ZNF667: variants seen among roughly 807,000 people sequenced by gnomAD.
ZNF667 encodes the protein zinc finger protein 667.
In ZNF667, 13 loss-of-function variants were observed where a neutral mutation model predicts 31.8. The observed-to-expected ratio is 0.41, with a 90% CI of 0.27 to 0.65. The LOEUF is 0.65. Among genes scored for constraint, ZNF667 ranks in the 30% least tolerant of loss-of-function variants. The pLI, the probability that ZNF667 is intolerant of heterozygous loss-of-function variation, is 0.32. For synonymous variants in ZNF667, 228 were observed against 247.1 expected (o/e 0.92, Z 0.73); for missense variants, 642 against 725.6 (o/e 0.88, Z 1.32).
At chr19:56,460,550 T>A in intron 5 of ZNF667, 139 bp downstream of exon 5, 1 of 906,500 alleles carries the variant, frequency 1.1e-6, no homozygotes. Flanking sequence ...ATGGGTGAAT[T>A]GTATAGTATG....
rs766005736 is a variant in ZNF667, at chr19:56,441,900, C to T, written c.1095G>A (p.Lys365=). 1 of 1,614,156 alleles carries T rather than the reference C, an allele frequency of 6.2e-7. No individual in the cohort carries two copies. Among genetic ancestry groups the T allele is most frequent in the South Asian group, 1.1e-5 (1 of 91,082 alleles). ...TAAGGGTTGAAAGCCGCCTGAAGAACTTGTCACATTTATCACATTTGTACG... is the reference window on the plus strand; with the variant it reads ...TAAGGGTTGAAAGCCGCCTGAAGAATTTGTCACATTTATCACATTTGTACG... The part of the protein sequence containing the change: ...EKPYKCDKCD[K]FFRRLSTLIL... The change falls in exon 7 of 7, where the codon AAG becomes AAA. Residue 365 remains lysine, a synonymous_variant. Coordinates refer to ENST00000504904, the MANE Select transcript of ZNF667 (RefSeq NM_001321356.2). The surrounding 1 kb of genome is among the most constrained non-coding windows in gnomAD (Gnocchi z 4.2).
At chr19:56,467,606 C>T (rs2147816062) in intron 3 of ZNF667, 1 of 152,348 alleles carries the variant, frequency 6.6e-6, no homozygotes, top group South Asian at 2.1e-4. Flanking sequence ...CTTCAGATAC[C>T]AGTTGCAAGT....
chr19:56,449,564 C>A, intron 6 of ZNF667: 1 of 247,780 alleles, frequency 4.0e-6, no homozygotes, highest in Non-Finnish European at 8.2e-6. Context: ...CACCTGTAAT[C>A]CCAGCCGCTC....
At chr19:56,465,814 C>A (rs2043146996) in intron 3 of ZNF667, among the ~76,000 whole-genome samples, 2 of 152,194 alleles carry the variant, frequency 1.3e-5, no homozygotes, top group Non-Finnish European at 2.9e-5. Context: ...GCAGGGTCAG[C>A]CCCAGGCTGG....
rs150636210 is a variant in ZNF667 at position 56,450,658 on chromosome 19, C to T, written c.253+7497G>A. ...AGACGGACTGACAAAAAAACGGCAA[C>T]TACAACAACTCAAGACACACAGTAT... On this transcript the variant is annotated intron_variant, in intron 6 of 6. Transcript: ENST00000504904. Among the ~76,000 whole-genome samples the T allele has an allele frequency of 1.9e-3, 291 of 152,212 alleles. 1 individual carries two copies. The highest frequency in any genetic ancestry group is 5.0e-3 in the African/African-American group (206 of 41,536).
At chr19:56,458,371 C>A in intron 5 of ZNF667, 124 bp from the exon 6 acceptor site, 1 of 750,888 alleles carries the variant, frequency 1.3e-6, no homozygotes, top group Non-Finnish European at 2.3e-6. Context: ...ATGTGAAGGG[C>A]AGCTGGAGAA....
At position 56,442,209 on chromosome 19, in the gene ZNF667, G is replaced by A; in HGVS notation, c.786C>T (p.Phe262=). The part of the protein sequence containing the change: ...VCQCRKCGKA[F]NQMSSLLLHK... ...GAAGTAAAAGGGATGACATCTGATT[G>A]AAGGCTTTTCCGCACTTTCTGCACT... Residue 262 remains phenylalanine (F), a synonymous_variant, in exon 7 of 7, where the codon TTC becomes TTT. Coordinates refer to ENST00000504904, the MANE Select transcript of ZNF667 (RefSeq NM_001321356.2). 1 of 1,614,042 alleles carries A rather than the reference G, an allele frequency of 6.2e-7. No homozygotes were observed. Among genetic ancestry groups the A allele is most frequent in the Non-Finnish European group, 8.5e-7 (1 of 1,179,988 alleles).
upstream of ZNF667, chr19:56,477,725 CA>C (rs2147871928): frequency 6.5e-6 from 1 of 152,748 alleles, no homozygotes; most frequent in East Asian, 1.9e-4. Flanking sequence ...CCCGCTCCCA[CA>C]ACCACACGTT....
Position 56,458,258 on chromosome 19 carries a change from G to A in ZNF667, c.161-11C>T, listed in dbSNP as rs1568446747. 6.2e-7 allele frequency: 1 copy of A among 1,612,158 alleles called. No homozygotes were observed. The highest frequency in any genetic ancestry group is 1.1e-5 in the South Asian group (1 of 91,022). ...TCCGAAAGGAAAGACCTGTACGTGGGACAAACATGGGAAATGATCATAAAT... is the reference window on the plus strand; with the variant it reads ...TCCGAAAGGAAAGACCTGTACGTGGAACAAACATGGGAAATGATCATAAAT... On this transcript the variant is annotated splice_polypyrimidine_tract_variant and intron_variant, in intron 5 of 6. Transcript: ENST00000504904.
intron 3 of ZNF667, among the ~76,000 whole-genome samples, chr19:56,464,742 G>A (rs1041320810): frequency 5.3e-5 from 8 of 152,146 alleles, no homozygotes; most frequent in Admixed American, 1.3e-4. Context: ...CACACACAAT[G>A]ATCTAGGCTG....
At chr19:56,451,804 GGCT>G (rs894340187) in intron 6 of ZNF667, among the ~76,000 whole-genome samples, 3 of 148,298 alleles carry the variant, frequency 2.0e-5, no homozygotes, top group Non-Finnish European at 4.4e-5. Flanking sequence ...AGAAGGTTGA[GGCT>G]GCAGTGAGTT....
At position 56,440,681 on chromosome 19, in the gene ZNF667, G is replaced by T. The variant is rs961871023; in HGVS notation, c.*481C>A. On this transcript the variant is annotated 3_prime_UTR_variant, in exon 7 of 7. Coordinates refer to ENST00000504904, the MANE Select transcript of ZNF667 (RefSeq NM_001321356.2). ...ACACAGAGTCTTGCTCTGTTGCCCAGACTGGAGTGCAGTGGTGCAATCTCT... is the reference window on the plus strand; with the variant it reads ...ACACAGAGTCTTGCTCTGTTGCCCATACTGGAGTGCAGTGGTGCAATCTCT... The T allele has an allele frequency of 4.2e-5, 34 of 801,944 alleles. No individual in the cohort carries two copies. The highest frequency in any genetic ancestry group is 7.6e-5 in the African/African-American group (4 of 52,692). The allele number at this position is 801,944 out of a possible 1,614,324, so 49.7% of individuals were successfully genotyped here.
chr19:56,457,503 T>C (rs1396065528), intron 6 of ZNF667, among the ~76,000 whole-genome samples: 1 of 152,192 alleles, frequency 6.6e-6, no homozygotes, highest in African/African-American at 2.4e-5. Flanking sequence ...TGTTTGCTTA[T>C]CTATAAAGTA....
chr19:56,441,222 T>C lies in ZNF667; in HGVS notation c.1773A>G (p.Ala591=). 2.5e-6 allele frequency: 4 copies of C among 1,614,120 alleles called. No individual in the cohort carries two copies. Among genetic ancestry groups the C allele is most frequent in the East Asian group, 4.5e-5 (2 of 44,888 alleles). ...GAATCAGGGATGAACTCCGACTATA[T>C]GCCTTCCCACATTTACTACATTCAT... is the stretch of plus-strand genomic sequence containing the variant. ...KPYECSKCGK[A]YSRSSSLIRH... Residue 591 remains alanine (A), a synonymous_variant, in exon 7 of 7, where the codon GCA becomes GCG. Transcript: ENST00000504904. This position sits in a 1 kb window ranked among gnomAD's most constrained non-coding sequence, Gnocchi z 4.2.
chr19:56,467,759 T>C (rs2043193539), intron 3 of ZNF667: 1 of 152,222 alleles, frequency 6.6e-6, no homozygotes, highest in East Asian at 1.9e-4. Context: ...ATGAAGGCTA[T>C]TCCGAAGAAT....
intron 3 of ZNF667, among the ~76,000 whole-genome samples, chr19:56,462,775 T>G (rs1319450863): frequency 6.6e-6 from 1 of 151,960 alleles, no homozygotes; most frequent in Non-Finnish European, 1.5e-5. Context: ...AGTGGAAGAG[T>G]GCCGGCTCCC....
rs928215606 is a variant in ZNF667 at position 56,466,002 on chromosome 19, C to T, written c.-59-3573G>A. 5.9e-5 allele frequency among the ~76,000 whole-genome samples: 9 copies of T among 152,190 alleles called. No homozygotes were observed. In the East Asian group the frequency reaches 9.6e-4, roughly 16 times the overall value. On this transcript the variant is annotated intron_variant, in intron 3 of 6. Coordinates refer to ENST00000504904, the MANE Select transcript of ZNF667 (RefSeq NM_001321356.2). ...TTGTTATCTGCCAACCAGAGAATGC[C>T]GACGTAACCAGCTCACAATAACAAA...
Position 56,442,406 on chromosome 19 carries a change from T to G in ZNF667, c.589A>C (p.Lys197Gln), listed in dbSNP as rs748862511. ...CATTTATTGCATTCATGGCTTTTCTTTCCACTGTGAATTCTCTGATGAAGT... is the reference window on the plus strand; with the variant it reads ...CATTTATTGCATTCATGGCTTTTCTGTCCACTGTGAATTCTCTGATGAAGT... ...ILLHQRIHSG[K>Q]KSHECNKCGE... Residue 197 changes from lysine (K) to glutamine (Q), a missense_variant, in exon 7 of 7, where the codon AAG becomes CAG. Lys to Gln is a moderately conservative substitution (Grantham distance 53). Coordinates refer to ENST00000504904, the MANE Select transcript of ZNF667 (RefSeq NM_001321356.2). 8 of 1,614,020 alleles carry G rather than the reference T, an allele frequency of 5.0e-6. No individual in the cohort carries two copies. The highest frequency in any genetic ancestry group is 6.8e-6 in the Non-Finnish European group (8 of 1,180,020).
chr19:56,466,563 T>G (rs574334500), intron 3 of ZNF667, among the ~76,000 whole-genome samples: 98 of 152,170 alleles, frequency 6.4e-4, no homozygotes, highest in African/African-American at 2.2e-3. Context: ...AGGCCTCTGG[T>G]TTAATAAAAC....
Sources: gnomAD v4.1 joint callset for allele counts (sites outside exome capture counted in the v4.1 genomes callset) on GRCh38, gnomAD v4.1.1 for gene constraint, Gnocchi (gnomAD v3.1) non-coding constraint, MANE v1.5 for transcripts, NCBI Gene and HGNC (gene_info 2026-07-23, HGNC 2026-07-21) for gene names.